ADAMTS18: variants seen among roughly 807,000 people sequenced by gnomAD.
ADAMTS18 encodes the protein ADAM metallopeptidase with thrombospondin type 1 motif 18.
Under a neutral mutation model 165.9 loss-of-function variants are expected in ADAMTS18, and 157 were observed. The observed-to-expected ratio is 0.95, with a 90% CI of 0.83 to 1.08. ADAMTS18 has a LOEUF of 1.08. ADAMTS18 is among the 50% of genes least tolerant of loss of function. The pLI, the probability that ADAMTS18 is intolerant of heterozygous loss-of-function variation, is 0.00. For synonymous variants in ADAMTS18, 782 were observed against 578.2 expected, an observed-to-expected ratio of 1.35 and a Z score of -5.06; for missense variants, 2,040 against 1,534.0, an observed-to-expected ratio of 1.33 and a Z score of -5.51.
At chr16:77,372,292 G>C (rs1293110917) in intron 3 of ADAMTS18, among the ~76,000 whole-genome samples, 1 of 152,214 alleles carries the variant, frequency 6.6e-6, no homozygotes, top group Non-Finnish European at 1.5e-5. Flanking sequence ...AATGAACTCA[G>C]TATGTTGAAG....
At chr16:77,411,904 G>C (rs1051560422) in intron 3 of ADAMTS18, among the ~76,000 whole-genome samples, 2 of 151,730 alleles carry the variant, frequency 1.3e-5, no homozygotes, top group African/African-American at 4.8e-5. Flanking sequence ...GGCCAGGATG[G>C]TCTTGAACTC....
At chr16:77,362,014 AG>A in intron 7 of ADAMTS18, 90 bp downstream of exon 7, 1 of 1,382,692 alleles carries the variant, frequency 7.2e-7, no homozygotes, top group Non-Finnish European at 1.0e-6. Flanking sequence ...CTGTTTATTA[AG>A]GAACATAAGG....
intron 3 of ADAMTS18, among the ~76,000 whole-genome samples, chr16:77,401,444 A>T (rs1333405190): frequency 6.6e-6 from 1 of 152,252 alleles, no homozygotes; most frequent in African/African-American, 2.4e-5. Flanking sequence ...TCAGAGATAT[A>T]GAAAGGAAGG....
At chr16:77,419,784 A>G (rs2057577357) in intron 3 of ADAMTS18, among the ~76,000 whole-genome samples, 1 of 151,988 alleles carries the variant, frequency 6.6e-6, no homozygotes, top group African/African-American at 2.4e-5. Context: ...GTGAATCATG[A>G]GGTCAGGAGT....
chr16:77,382,737 T>C (rs1280930528), intron 3 of ADAMTS18, among the ~76,000 whole-genome samples: 2 of 152,196 alleles, frequency 1.3e-5, no homozygotes, highest in Admixed American at 6.5e-5. Flanking sequence ...GAACTGTGAA[T>C]GACCAAGACG....
chr16:77,348,742 T>C (rs2056513091), intron 10 of ADAMTS18, among the ~76,000 whole-genome samples: 1 of 152,170 alleles, frequency 6.6e-6, no homozygotes, highest in Non-Finnish European at 1.5e-5. Context: ...AGGCAAGAGA[T>C]GTGTATACAC....
At position 77,373,911 on chromosome 16, in the gene ADAMTS18, T is replaced by C. The variant is rs537074338; in HGVS notation, c.496-6188A>G. 8.8e-4 allele frequency among the ~76,000 whole-genome samples: 134 copies of C among 152,194 alleles called. 2 individuals are homozygous for C. The South Asian group carries it at 0.027, about 30-fold the overall frequency. On this transcript the variant is annotated intron_variant, in intron 3 of 22. Coordinates refer to ENST00000282849, the MANE Select transcript of ADAMTS18 (RefSeq NM_199355.4). Reference sequence around the variant, plus strand: ...TATCTCTGATGCATGCCACTTGTTATCAGCTAGTAAATATTTGTTTCTCCA... The same window carrying C: ...TATCTCTGATGCATGCCACTTGTTACCAGCTAGTAAATATTTGTTTCTCCA...
At chr16:77,356,899 G>C (rs896672529) in intron 8 of ADAMTS18, among the ~76,000 whole-genome samples, 10 of 151,678 alleles carry the variant, frequency 6.6e-5, no homozygotes, top group African/African-American at 2.2e-4. Flanking sequence ...GCTTACTTCA[G>C]GCGATGTTAA....
At chr16:77,311,673 T>C (rs1490277198) in intron 16 of ADAMTS18, among the ~76,000 whole-genome samples, 1 of 150,214 alleles carries the variant, frequency 6.7e-6, no homozygotes, top group African/African-American at 2.4e-5. Flanking sequence ...TGAAAAGATA[T>C]CATAGACAAA....
intron 7 of ADAMTS18, among the ~76,000 whole-genome samples, chr16:77,360,892 G>C (rs552793823): frequency 6.6e-6 from 1 of 152,150 alleles, no homozygotes; most frequent in East Asian, 1.9e-4. Flanking sequence ...TTCGAGACCA[G>C]CCTGGCCAAC....
intron 3 of ADAMTS18, among the ~76,000 whole-genome samples, chr16:77,390,419 C>T (rs938467938): frequency 6.6e-6 from 1 of 152,186 alleles, no homozygotes; most frequent in East Asian, 1.9e-4. Context: ...TTGCCAGGTG[C>T]GATGGCTCAC....
Position 77,292,919 on chromosome 16 carries a change from A to C in ADAMTS18, c.3189+157T>G, listed in dbSNP as rs112334184. ...ACTGCAAACTCCGCCTCCTGGGTTC[A>C]CGCCATGCTCCTGCCTCAGCCTCCC... On this transcript the variant is annotated intron_variant, in intron 20 of 22. Transcript: ENST00000282849. 5.1e-4 allele frequency: 402 copies of C among 782,984 alleles called. 7 individuals are homozygous for C. The African/African-American group carries it at 6.3e-3, about 12-fold the overall frequency. The allele number at this position is 782,984 out of a possible 1,614,324, so 48.5% of individuals were successfully genotyped here.
chr16:77,381,441 G>C (rs535776169), intron 3 of ADAMTS18, among the ~76,000 whole-genome samples: 2 of 152,246 alleles, frequency 1.3e-5, no homozygotes, highest in African/African-American at 4.8e-5. Flanking sequence ...AAAAGGACCA[G>C]AAAAACAAAG....
chr16:77,389,153 T>C (rs1314670681), intron 3 of ADAMTS18, among the ~76,000 whole-genome samples: 1 of 151,964 alleles, frequency 6.6e-6, no homozygotes, highest in African/African-American at 2.4e-5. Context: ...TACAAAAAAT[T>C]AGCGAGGCAT....
At chr16:77,432,376 A>C (rs771459871) in intron 2 of ADAMTS18, 7 of 152,298 alleles carry the variant, frequency 4.6e-5, no homozygotes, top group Non-Finnish European at 7.3e-5. Context: ...GGGGAGTGTC[A>C]GATCAGGGGA....
chr16:77,322,568 T>C (rs2056022737), intron 13 of ADAMTS18, 102 bp from the exon 14 acceptor site: 4 of 1,420,654 alleles, frequency 2.8e-6, no homozygotes, highest in Non-Finnish European at 3.9e-6. Context: ...AAAGCTATCA[T>C]GATGAATATG....
chr16:77,284,485 T>C (rs1250906583), intron 22 of ADAMTS18, among the ~76,000 whole-genome samples: 1 of 152,124 alleles, frequency 6.6e-6, no homozygotes, highest in East Asian at 1.9e-4. Context: ...TTTCTTAAGG[T>C]GAGGGCCTAC....
chr16:77,317,027 G>T (rs1033231744), intron 16 of ADAMTS18, among the ~76,000 whole-genome samples: 11 of 152,080 alleles, frequency 7.2e-5, no homozygotes, highest in Non-Finnish European at 1.6e-4. Context: ...TTACCTGGTT[G>T]GGTCTTCTCA....
At chr16:77,306,280 A>G (rs2055680084) in intron 16 of ADAMTS18, among the ~76,000 whole-genome samples, 1 of 152,170 alleles carries the variant, frequency 6.6e-6, no homozygotes, top group Non-Finnish European at 1.5e-5. Context: ...CTGACTTCAG[A>G]CACAACACTC....
Sources: allele counts gnomAD v4.1 joint callset (sites outside exome capture counted in the v4.1 genomes callset), GRCh38; gene constraint gnomAD v4.1.1; transcripts MANE v1.5; gene names NCBI Gene and HGNC (gene_info 2026-07-23, HGNC 2026-07-21).